Variants in SPPL3 observed in about 807,000 individuals in gnomAD.
SPPL3 encodes signal peptide peptidase-like 3.
Under a neutral mutation model 42.4 loss-of-function variants are expected in SPPL3, and 5 were observed. The ratio of observed to expected loss-of-function variants is 0.12; its 90% CI spans 0.06 to 0.25. The LOEUF is 0.25. SPPL3 is among the 10% of genes least tolerant of loss of function. The probability of loss-of-function intolerance (pLI) is 1.00; values close to 1 mark genes in which losing one functional copy is unlikely to be tolerated. For missense variants in SPPL3, 235 were observed against 489.0 expected, an observed-to-expected ratio of 0.48 and a Z score of 4.90; for synonymous variants, 195 against 181.8, an observed-to-expected ratio of 1.07 and a Z score of -0.58.
chr12:120,798,053 G>A (rs1870165572), intron 2 of SPPL3, among the ~76,000 whole-genome samples: 1 of 152,076 alleles, frequency 6.6e-6, no homozygotes, highest in African/African-American at 2.4e-5. Context: ...TATAAATCTG[G>A]CCAACGAACT....
At chr12:120,895,089 A>G (rs998482940) in intron 1 of SPPL3, among the ~76,000 whole-genome samples, 1 of 152,178 alleles carries the variant, frequency 6.6e-6, no homozygotes, top group Non-Finnish European at 1.5e-5. Context: ...TCTTCATTTA[A>G]GTAGATCATG....
chr12:120,824,218 A>G (rs1871170221), intron 1 of SPPL3, among the ~76,000 whole-genome samples: 1 of 152,198 alleles, frequency 6.6e-6, no homozygotes, highest in African/African-American at 2.4e-5. Flanking sequence ...GGAAGAAGCA[A>G]GCTGAAGACC....
intron 1 of SPPL3, among the ~76,000 whole-genome samples, chr12:120,853,836 A>G (rs879294081): frequency 6.6e-6 from 1 of 152,162 alleles, no homozygotes; most frequent in Non-Finnish European, 1.5e-5. Flanking sequence ...TAAAATTCAC[A>G]TTTTCATAGC....
chr12:120,892,041 C>G (rs1028013099), intron 1 of SPPL3, among the ~76,000 whole-genome samples: 2 of 152,158 alleles, frequency 1.3e-5, no homozygotes, highest in Non-Finnish European at 2.9e-5. Flanking sequence ...ACCAACTTAA[C>G]AGTAACCATT....
chr12:120,858,153 A>G (rs373165981), intron 1 of SPPL3, among the ~76,000 whole-genome samples: 14 of 152,186 alleles, frequency 9.2e-5, no homozygotes, highest in Middle Eastern at 3.2e-3. Flanking sequence ...CTGTAACACA[A>G]TATTATTTTG....
At chr12:120,824,693 G>A (rs936528262) in intron 1 of SPPL3, among the ~76,000 whole-genome samples, 2 of 152,048 alleles carry the variant, frequency 1.3e-5, no homozygotes, top group South Asian at 4.1e-4. Flanking sequence ...ACCACATCAG[G>A]CTAATTTTTT....
chr12:120,768,607 G>C (rs1868992879), intron 7 of SPPL3, 119 bp from the exon 8 acceptor site: 2 of 1,175,780 alleles, frequency 1.7e-6, no homozygotes, highest in Admixed American at 2.3e-5. Context: ...TGCTTTCGTT[G>C]ACTGTATGAT....
At chr12:120,808,381 C>T (rs1246224949) in intron 2 of SPPL3, among the ~76,000 whole-genome samples, 1 of 152,074 alleles carries the variant, frequency 6.6e-6, no homozygotes, top group Non-Finnish European at 1.5e-5. Context: ...TGGCCAGTTT[C>T]CTCATTTGTA....
chr12:120,799,937 G>T (rs2136992777), intron 2 of SPPL3, among the ~76,000 whole-genome samples: 1 of 152,254 alleles, frequency 6.6e-6, no homozygotes, highest in East Asian at 1.9e-4. Flanking sequence ...AAAAGACTCT[G>T]CCTCCAAAGC....
At chr12:120,833,911 C>G (rs1414201786) in intron 1 of SPPL3, among the ~76,000 whole-genome samples, 1 of 151,912 alleles carries the variant, frequency 6.6e-6, no homozygotes, top group African/African-American at 2.4e-5. Context: ...AAACTGAGAT[C>G]TCATCTTGAC....
rs778794109 is a variant in SPPL3 at position 120,767,351 on chromosome 12, C to G, written c.973+43G>C. The G allele has an allele frequency of 4.4e-6, 7 of 1,583,264 alleles. No individual in the cohort carries two copies. In the East Asian group the frequency reaches 9.0e-5, roughly 20 times the overall value. On this transcript the variant is annotated intron_variant, in intron 9 of 10. Transcript: ENST00000353487. ...TGATTTAATTCCAAAGGTTGGAGGA[C>G]AGCCAGAGCGAGGATCATCTGCAGT...
intron 1 of SPPL3, among the ~76,000 whole-genome samples, chr12:120,856,714 G>T (rs533543316): frequency 4.3e-4 from 66 of 152,006 alleles, no homozygotes; most frequent in Non-Finnish European, 6.5e-4. Context: ...AAGTGATCAG[G>T]TAGCCTCACA....
intron 1 of SPPL3, among the ~76,000 whole-genome samples, chr12:120,871,143 A>AAAAAAAAAAAG (rs1872911471): frequency 1.3e-5 from 2 of 150,244 alleles, no homozygotes; most frequent in African/African-American, 2.4e-5. Flanking sequence ...AAAAAAAAAA[A>AAAAAAAAAAAG]AAAAAAGAAA....
intron 6 of SPPL3, among the ~76,000 whole-genome samples, chr12:120,772,173 C>A (rs1312564310): frequency 6.6e-6 from 1 of 152,174 alleles, no homozygotes. Context: ...AGGCATCCAT[C>A]ACCACACCCA....
chr12:120,871,016 G>A (rs996504620), intron 1 of SPPL3, among the ~76,000 whole-genome samples: 1 of 151,196 alleles, frequency 6.6e-6, no homozygotes, highest in Non-Finnish European at 1.5e-5. Context: ...TATAGTCCCA[G>A]TTATTCGGGA....
chr12:120,864,758 C>A (rs1033954873), intron 1 of SPPL3, among the ~76,000 whole-genome samples: 2 of 152,184 alleles, frequency 1.3e-5, no homozygotes, highest in South Asian at 2.1e-4. Context: ...AAAACAACCA[C>A]AGTACTTCAA....
At chr12:120,875,978 G>C (rs1446134465) in intron 1 of SPPL3, among the ~76,000 whole-genome samples, 2 of 151,510 alleles carry the variant, frequency 1.3e-5, no homozygotes, top group Non-Finnish European at 2.9e-5. Flanking sequence ...TATTAGGAGG[G>C]ATATTACAAA....
At chr12:120,828,177 G>C (rs1256437452) in intron 1 of SPPL3, among the ~76,000 whole-genome samples, 4 of 152,118 alleles carry the variant, frequency 2.6e-5, no homozygotes, top group African/African-American at 9.7e-5. Flanking sequence ...AGGAAAATCT[G>C]TGAAAATCCC....
At chr12:120,779,614 A>G (rs137987301) in intron 6 of SPPL3, among the ~76,000 whole-genome samples, 181 of 152,268 alleles carry the variant, frequency 1.2e-3, no homozygotes, top group African/African-American at 4.3e-3. Context: ...TTTGTGGGGC[A>G]GAGCAGTTAG....
Sources: gnomAD v4.1 joint callset for allele counts (sites outside exome capture counted in the v4.1 genomes callset) on GRCh38, gnomAD v4.1.1 for gene constraint, MANE v1.5 for transcripts, NCBI Gene and HGNC (gene_info 2026-07-23, HGNC 2026-07-21) for gene names.